The following SPON1 variants were observed in gnomAD, a reference collection of about 807,000 sequenced individuals.
SPON1 encodes spondin-1.
SPON1 carries 52 observed loss-of-function variants against 111.7 expected under a neutral mutation model. The ratio of observed to expected loss-of-function variants is 0.47; its 90% CI spans 0.37 to 0.59. The LOEUF is 0.59. SPON1 is among the 20% of genes least tolerant of loss of function. The pLI is 0.00. For missense variants in SPON1, 957 were observed against 1,068.5 expected (o/e 0.90, Z 1.46); for synonymous variants, 410 against 395.8 (o/e 1.04, Z -0.43).
intron 14 of SPON1, 42 bp from the exon 15 acceptor site, chr11:14,262,670 T>C: frequency 6.2e-7 from 1 of 1,611,296 alleles, no homozygotes; most frequent in South Asian, 1.1e-5. Flanking sequence ...CATATCTTGT[T>C]TCAGACATGT....
chr11:14,095,402 GACT>G, intron 5 of SPON1, among the ~76,000 whole-genome samples: 1 of 136,514 alleles, frequency 7.3e-6, no homozygotes, highest in African/African-American at 2.9e-5. Flanking sequence ...ATAAATGAGA[GACT>G]AGATAGATAG....
rs200976252 is a variant in SPON1, at chr11:13,990,860, G to A, written c.345+7907G>A. 2.0e-5 allele frequency among the ~76,000 whole-genome samples: 3 copies of A among 152,120 alleles called. No individual in the cohort carries two copies. The East Asian group carries it at 5.8e-4, about 29-fold the overall frequency. On this transcript the variant is annotated intron_variant, in intron 2 of 15. Transcript: ENST00000576479. The stretch of plus-strand genomic sequence containing the variant: ...TAGTTTGGCTGGATATGAAATTCTG[G>A]GTTGAAAATTCTTTTCTTTAAGAAT...
At chr11:14,019,816 A>T (rs1187548852) in intron 2 of SPON1, among the ~76,000 whole-genome samples, 2 of 152,188 alleles carry the variant, frequency 1.3e-5, no homozygotes, top group Non-Finnish European at 2.9e-5. Context: ...ACTAGCTCAA[A>T]GCATGTCACC....
intron 6 of SPON1, among the ~76,000 whole-genome samples, chr11:14,145,983 T>G (rs1183408577): frequency 1.3e-5 from 2 of 152,112 alleles, no homozygotes; most frequent in East Asian, 3.8e-4. Flanking sequence ...ATGATTATAT[T>G]CATGTATAGG....
At chr11:14,027,938 T>C (rs1564888892) in intron 2 of SPON1, among the ~76,000 whole-genome samples, 1 of 152,198 alleles carries the variant, frequency 6.6e-6, no homozygotes, top group African/African-American at 2.4e-5. Context: ...ATCCCCCAAT[T>C]ACATGGTTCT....
chr11:14,263,843 A>G (rs1849224002), intron 15 of SPON1, among the ~76,000 whole-genome samples: 1 of 152,122 alleles, frequency 6.6e-6, no homozygotes, highest in Non-Finnish European at 1.5e-5. Flanking sequence ...AGCCTGGCCA[A>G]TATGGTGAAA....
chr11:14,032,949 C>T (rs1848569707), intron 2 of SPON1, among the ~76,000 whole-genome samples: 2 of 152,128 alleles, frequency 1.3e-5, no homozygotes, highest in South Asian at 2.1e-4. Context: ...CTGCTGTCCT[C>T]AATTGGGGGT....
intron 2 of SPON1, among the ~76,000 whole-genome samples, chr11:14,028,142 T>A (rs1314524867): frequency 6.6e-6 from 1 of 152,138 alleles, no homozygotes; most frequent in Non-Finnish European, 1.5e-5. Context: ...AATTCCCACT[T>A]CACTGGATTA....
intron 1 of SPON1, among the ~76,000 whole-genome samples, chr11:13,965,484 A>G (rs1385229941): frequency 1.3e-5 from 2 of 152,190 alleles, no homozygotes; most frequent in Non-Finnish European, 2.9e-5. Flanking sequence ...AGAACTACCT[A>G]AACGTCCAGG....
chr11:14,010,496 G>A (rs112380867), intron 2 of SPON1, among the ~76,000 whole-genome samples: 1 of 152,134 alleles, frequency 6.6e-6, no homozygotes, highest in African/African-American at 2.4e-5. Context: ...CAGACTGGGG[G>A]TAAAATGAGG....
intron 6 of SPON1, among the ~76,000 whole-genome samples, chr11:14,192,102 A>G (rs1338062503): frequency 6.6e-6 from 1 of 152,206 alleles, no homozygotes; most frequent in African/African-American, 2.4e-5. Context: ...TCCTGAAAAC[A>G]GAATAACATT....
chr11:14,197,899 C>T (rs1848420823), intron 6 of SPON1, among the ~76,000 whole-genome samples: 1 of 152,176 alleles, frequency 6.6e-6, no homozygotes, highest in Admixed American at 6.5e-5. Flanking sequence ...ACCAAAGAAG[C>T]TTCCTCAGCT....
chr11:14,170,362 C>T (rs376344802), intron 6 of SPON1, among the ~76,000 whole-genome samples: 66 of 152,158 alleles, frequency 4.3e-4, no homozygotes, highest in Non-Finnish European at 7.9e-4. Flanking sequence ...TGAGACTTTG[C>T]TGAAGTTGCT....
intron 6 of SPON1, among the ~76,000 whole-genome samples, chr11:14,216,452 G>T (rs1356349853): frequency 6.6e-6 from 1 of 152,098 alleles, no homozygotes; most frequent in East Asian, 1.9e-4. Flanking sequence ...TGATCAGTTG[G>T]GTTCACTTGG....
At chr11:14,114,425 T>TTAA (rs35955118) in intron 5 of SPON1, among the ~76,000 whole-genome samples, 3,251 of 152,346 alleles carry the variant, frequency 0.021, 111 homozygotes, top group African/African-American at 0.074. Context: ...TCACCCTGTG[T>TTAA]AATACAGATT....
At chr11:14,146,984 A>G (rs1847726162) in intron 6 of SPON1, among the ~76,000 whole-genome samples, 2 of 151,370 alleles carry the variant, frequency 1.3e-5, no homozygotes, top group Non-Finnish European at 2.9e-5. Context: ...TTAAATGAAA[A>G]CATAAAAACG....
intron 5 of SPON1, among the ~76,000 whole-genome samples, chr11:14,081,397 A>C (rs1170301374): frequency 6.6e-6 from 1 of 152,202 alleles, no homozygotes; most frequent in African/African-American, 2.4e-5. Context: ...CTGTGAACCA[A>C]GCATTTCTAC....
In SPON1 at chr11:14,259,821, T is replaced by G; in HGVS notation, c.1831+120T>G. 8.6e-7 allele frequency: 1 copy of G among 1,165,282 alleles called. No homozygotes were observed. Among genetic ancestry groups the G allele is most frequent in the Non-Finnish European group, 1.2e-6 (1 of 830,468 alleles). 72.2% of individuals were successfully genotyped at this position (1,165,282 alleles called of 1,614,324 possible). ...GAGCAGAGGAAAGCATGGCCCATGG[T>G]CCTTGCTGGGCACTGCTGGGAGCCA... On this transcript the variant is annotated intron_variant, in intron 13 of 15. Coordinates refer to ENST00000576479, the MANE Select transcript of SPON1 (RefSeq NM_006108.4). This position sits in a 1 kb window ranked among gnomAD's most constrained non-coding sequence, Gnocchi z 5.0.
intron 6 of SPON1, among the ~76,000 whole-genome samples, chr11:14,219,001 G>A (rs1848652751): frequency 6.6e-6 from 1 of 152,178 alleles, no homozygotes; most frequent in African/African-American, 2.4e-5. Flanking sequence ...GGACTTAGCT[G>A]AGGAAGAATT....
Sources: allele counts gnomAD v4.1 joint callset (sites outside exome capture counted in the v4.1 genomes callset), GRCh38; gene constraint gnomAD v4.1.1; non-coding constraint Gnocchi (gnomAD v3.1); transcripts MANE v1.5; gene names NCBI Gene and HGNC (gene_info 2026-07-23, HGNC 2026-07-21).